OTOGL: variants seen among roughly 807,000 people sequenced by gnomAD.
The protein encoded by OTOGL is otogelin like, also known as otogelin-like protein.
OTOGL carries 285 observed loss-of-function variants against 318.5 expected under a neutral mutation model. That is an observed-to-expected ratio of 0.89 (90% confidence interval 0.81 to 0.99). OTOGL has a LOEUF of 0.99. Among genes scored for constraint, OTOGL ranks in the 50% least tolerant of loss-of-function variants. The pLI, the probability that OTOGL is intolerant of heterozygous loss-of-function variation, is 0.00. For synonymous variants in OTOGL, 987 were observed against 936.5 expected, an observed-to-expected ratio of 1.05 and a Z score of -0.99; for missense variants, 2,899 against 2,845.6, an observed-to-expected ratio of 1.02 and a Z score of -0.43.
intron 38 of OTOGL, among the ~76,000 whole-genome samples, chr12:80,335,747 A>C (rs1379743285): frequency 1.3e-5 from 2 of 152,160 alleles, no homozygotes; most frequent in East Asian, 3.9e-4. Flanking sequence ...TCTAATGTCC[A>C]ATCAATATTA....
chr12:80,289,200 G>C (rs1262045517), intron 26 of OTOGL, among the ~76,000 whole-genome samples: 1 of 152,150 alleles, frequency 6.6e-6, no homozygotes, highest in Non-Finnish European at 1.5e-5. Flanking sequence ...TCCAAACCCT[G>C]CTTGCCTGGG....
chr12:80,373,802 A>G (rs1891026477), intron 57 of OTOGL, among the ~76,000 whole-genome samples: 2 of 152,104 alleles, frequency 1.3e-5, no homozygotes, highest in African/African-American at 4.8e-5. Context: ...TGTAAGTGAT[A>G]ATGCTAGGAA....
At position 80,261,874 on chromosome 12, in the gene OTOGL, A is replaced by G. The variant is rs918682744; in HGVS notation, c.1890-95A>G. On this transcript the variant is annotated intron_variant, in intron 18 of 58. Coordinates refer to ENST00000547103, the MANE Select transcript of OTOGL (RefSeq NM_001378609.3). ...TTCAAGCTGTAAGATTTCCTTGTAC[A>G]TTATGAAAAATAGTATTCTCTTATT... 9.4e-6 allele frequency: 13 copies of G among 1,385,220 alleles called. No homozygotes were observed. The African/African-American group carries it at 1.0e-4, about 11-fold the overall frequency. The allele number at this position is 1,385,220 out of a possible 1,614,324, so 85.8% of individuals were successfully genotyped here.
intron 1 of OTOGL, among the ~76,000 whole-genome samples, chr12:80,172,152 A>G (rs1311328393): frequency 4.6e-5 from 7 of 152,088 alleles, no homozygotes; most frequent in Non-Finnish European, 8.8e-5. Context: ...CCATACTTGT[A>G]TGATTTCCTG....
intron 1 of OTOGL, among the ~76,000 whole-genome samples, chr12:80,112,543 C>T (rs147527263): frequency 2.6e-5 from 4 of 152,110 alleles, no homozygotes; most frequent in African/African-American, 7.2e-5. Context: ...TGATGGATTA[C>T]GTTTATTGAT....
intron 1 of OTOGL, among the ~76,000 whole-genome samples, chr12:80,122,015 A>T (rs1324928520): frequency 2.0e-5 from 3 of 152,166 alleles, no homozygotes; most frequent in African/African-American, 4.8e-5. Context: ...TCATATGGCC[A>T]ATATAAATAA....
chr12:80,312,278 G>T (rs1037758543), intron 30 of OTOGL, among the ~76,000 whole-genome samples: 1 of 152,106 alleles, frequency 6.6e-6, no homozygotes, highest in African/African-American at 2.4e-5. Context: ...CGATAGACCG[G>T]ATGAAGAAGC....
intron 26 of OTOGL, among the ~76,000 whole-genome samples, chr12:80,284,888 C>T (rs1020051413): frequency 2.0e-5 from 3 of 152,094 alleles, no homozygotes; most frequent in Admixed American, 6.5e-5. Flanking sequence ...TTAATTAGAT[C>T]CCATTTGTCA....
intron 44 of OTOGL, among the ~76,000 whole-genome samples, chr12:80,345,153 A>ATATTATAATATATATTATATG (rs1889105361): frequency 7.4e-6 from 1 of 134,874 alleles, no homozygotes; most frequent in African/African-American, 2.9e-5. Flanking sequence ...TATATGTTAT[A>ATATTATAATATATATTATATG]TTATATATTA....
intron 26 of OTOGL, among the ~76,000 whole-genome samples, chr12:80,296,512 A>G (rs927294681): frequency 3.9e-5 from 6 of 152,170 alleles, no homozygotes; most frequent in Non-Finnish European, 5.9e-5. Flanking sequence ...CCTAAGTGAC[A>G]TATTGTTTTG....
intron 26 of OTOGL, among the ~76,000 whole-genome samples, chr12:80,283,970 A>G (rs1365968170): frequency 1.3e-5 from 2 of 151,896 alleles, no homozygotes; most frequent in Non-Finnish European, 2.9e-5. Context: ...TCAACCTGTC[A>G]TCTAGGTTTT....
chr12:80,292,580 G>C (rs1885117928), intron 26 of OTOGL, among the ~76,000 whole-genome samples: 1 of 152,202 alleles, frequency 6.6e-6, no homozygotes, highest in Non-Finnish European at 1.5e-5. Context: ...GTTGTGGACT[G>C]CAGCTGATTA....
intron 1 of OTOGL, among the ~76,000 whole-genome samples, chr12:80,133,263 A>G (rs1389600265): frequency 6.6e-6 from 1 of 152,132 alleles, no homozygotes; most frequent in Non-Finnish European, 1.5e-5. Flanking sequence ...GTGTTTTTTT[A>G]GGCAATGATT....
chr12:80,164,693 A>G (rs1873725862), intron 1 of OTOGL, among the ~76,000 whole-genome samples: 1 of 152,086 alleles, frequency 6.6e-6, no homozygotes, highest in Admixed American at 6.6e-5. Context: ...CTGTTCAGTG[A>G]GACTGTCAGG....
At chr12:80,170,674 T>A (rs981503046) in intron 1 of OTOGL, among the ~76,000 whole-genome samples, 1 of 152,120 alleles carries the variant, frequency 6.6e-6, no homozygotes, top group South Asian at 2.1e-4. Context: ...CCTCAGGTGA[T>A]CTTCCCGCCT....
chr12:80,259,393 C>T lies in OTOGL; in HGVS notation c.1889+1391C>T, dbSNP rs56660211. Among the ~76,000 whole-genome samples, 346 of 151,772 alleles carry T rather than the reference C, an allele frequency of 2.3e-3. 4 individuals are homozygous for T. Among genetic ancestry groups the T allele is most frequent in the African/African-American group, 8.0e-3 (332 of 41,418 alleles). On this transcript the variant is annotated intron_variant, in intron 18 of 58. Transcript: ENST00000547103. Reference sequence around the variant, plus strand: ...TATTATTTTTATTTTATATTAAGTTCTAGGATACATATGCTGAATGTGCAG... The same window carrying T: ...TATTATTTTTATTTTATATTAAGTTTTAGGATACATATGCTGAATGTGCAG...
At chr12:80,281,287 T>C (rs1476842101) in intron 26 of OTOGL, among the ~76,000 whole-genome samples, 1 of 151,808 alleles carries the variant, frequency 6.6e-6, no homozygotes, top group Non-Finnish European at 1.5e-5. Flanking sequence ...CTCAGTGGAA[T>C]TGGGTCCAGC....
chr12:80,183,163 A>G (rs528852126), intron 1 of OTOGL, among the ~76,000 whole-genome samples: 2 of 152,228 alleles, frequency 1.3e-5, no homozygotes, highest in South Asian at 4.1e-4. Flanking sequence ...CTGCATAAAC[A>G]TGTATCACTG....
chr12:80,335,179 G>A (rs937225300), intron 38 of OTOGL, among the ~76,000 whole-genome samples: 13 of 152,098 alleles, frequency 8.5e-5, no homozygotes, highest in African/African-American at 3.1e-4. Context: ...GTAGAGAGTA[G>A]TGGTCAAGAG....
Sources: allele counts gnomAD v4.1 joint callset (sites outside exome capture counted in the v4.1 genomes callset), GRCh38; gene constraint gnomAD v4.1.1; transcripts MANE v1.5; gene names NCBI Gene and HGNC (gene_info 2026-07-23, HGNC 2026-07-21).